Variants in GPC3 observed in about 807,000 individuals in gnomAD.
The protein encoded by GPC3 is glypican-3.
In GPC3, 3 loss-of-function variants were observed where a neutral mutation model predicts 34.4. The observed-to-expected ratio is 0.09, with a 90% CI of 0.04 to 0.23. GPC3 has a LOEUF of 0.23. Ranked by LOEUF, GPC3 falls within the 10% of genes least tolerant of loss-of-function variation. The pLI, the probability that GPC3 is intolerant of heterozygous loss-of-function variation, is 1.00. For synonymous variants in GPC3, 177 were observed against 174.0 expected (o/e 1.02, Z -0.13); for missense variants, 351 against 445.6 (o/e 0.79, Z 1.91).
intron 1 of GPC3, among the ~76,000 whole-genome samples, chrX:133,976,794 T>G (rs2076517597): frequency 9.1e-6 from 1 of 109,919 alleles, no homozygotes; most frequent in Admixed American, 9.8e-5. Context: ...GGTGGGCACC[T>G]GTAATCCCAG....
At chrX:133,789,508 T>C (rs772579053) in intron 2 of GPC3, among the ~76,000 whole-genome samples, 3 of 111,865 alleles carry the variant, frequency 2.7e-5, no homozygotes, top group Non-Finnish European at 3.8e-5. Context: ...CGTTGATCTA[T>C]TGCTTCTTGC....
Position 133,948,937 on chromosome X carries a change from G to C in GPC3, c.337+4113C>G, listed in dbSNP as rs1208086776. ...TTTATTTGGCACCACCTGGGGTAAAGTGGTCCACATAAATGAGCTGTCTAG... is the reference window on the plus strand; with the variant it reads ...TTTATTTGGCACCACCTGGGGTAAACTGGTCCACATAAATGAGCTGTCTAG... On this transcript the variant is annotated intron_variant, in intron 2 of 7. Coordinates refer to ENST00000370818, the MANE Select transcript of GPC3 (RefSeq NM_004484.4). Among the ~76,000 whole-genome samples, 7 of 112,193 alleles carry C rather than the reference G, an allele frequency of 6.2e-5. 1 individual carries two copies. The highest frequency in any genetic ancestry group is 4.7e-4 in the Admixed American group (5 of 10,580).
At chrX:133,632,125 TG>T (rs1569401315) in intron 6 of GPC3, among the ~76,000 whole-genome samples, 2 of 109,504 alleles carry the variant, frequency 1.8e-5, no homozygotes, top group African/African-American at 6.9e-5. Flanking sequence ...TTTGAGACAG[TG>T]TCTCCCTCTG....
At chrX:133,814,107 T>C (rs2075677765) in intron 2 of GPC3, among the ~76,000 whole-genome samples, 1 of 111,600 alleles carries the variant, frequency 9.0e-6, no homozygotes, top group Non-Finnish European at 1.9e-5. Flanking sequence ...CAGACAGCTG[T>C]GCTTTCAGGG....
At chrX:133,622,661 A>T (rs1414021932) in intron 6 of GPC3, among the ~76,000 whole-genome samples, 1 of 111,973 alleles carries the variant, frequency 8.9e-6, no homozygotes, top group Non-Finnish European at 1.9e-5. Flanking sequence ...GAAATATGGG[A>T]CTATGTGAAA....
rs2071124339 is a variant in GPC3, at chrX:133,696,966, G to A, written c.1166+2929C>T. 4.5e-5 allele frequency among the ~76,000 whole-genome samples: 5 copies of A among 112,179 alleles called. No individual in the cohort carries two copies. The Admixed American group carries it at 4.7e-4, about 11-fold the overall frequency. ...AAGGATAGGGCCCCTTTGCACGCAT[G>A]AGCCATTTTCAAATATGGCAGCTGG... On this transcript the variant is annotated intron_variant, in intron 4 of 7. Transcript: ENST00000370818.
At chrX:133,859,198 C>G (rs1481817608) in intron 2 of GPC3, among the ~76,000 whole-genome samples, 3 of 111,287 alleles carry the variant, frequency 2.7e-5, no homozygotes, top group Non-Finnish European at 5.7e-5. Flanking sequence ...AAGGCTCTGT[C>G]TGACCCACCA....
At chrX:133,945,551 G>C (rs975090133) in intron 2 of GPC3, among the ~76,000 whole-genome samples, 1 of 110,372 alleles carries the variant, frequency 9.1e-6, no homozygotes, top group African/African-American at 3.3e-5. Context: ...TCTGGTTGGA[G>C]TTAATCTCTT....
chrX:133,804,469 C>T (rs772688081), intron 2 of GPC3, among the ~76,000 whole-genome samples: 4 of 110,583 alleles, frequency 3.6e-5, no homozygotes, highest in Non-Finnish European at 3.8e-5. Flanking sequence ...AATCTCTCCC[C>T]AGCCCTGACC....
chrX:133,717,540 C>T (rs1004128374), intron 3 of GPC3, among the ~76,000 whole-genome samples: 4 of 111,138 alleles, frequency 3.6e-5, no homozygotes. Flanking sequence ...CTGTTCCGTT[C>T]TAATTACCAG....
intron 7 of GPC3, among the ~76,000 whole-genome samples, chrX:133,540,967 G>T (rs1397114295): frequency 2.8e-5 from 3 of 107,754 alleles, no homozygotes; most frequent in Non-Finnish European, 3.8e-5. Context: ...CGCGCACTGT[G>T]GGGGAAGAGG....
intron 2 of GPC3, among the ~76,000 whole-genome samples, chrX:133,896,584 C>T (rs770791735): frequency 9.0e-6 from 1 of 111,519 alleles, no homozygotes; most frequent in South Asian, 3.8e-4. Context: ...GAATTTGGGC[C>T]TCCCTTGCCC....
At chrX:133,599,382 A>G (rs1007910293) in intron 6 of GPC3, among the ~76,000 whole-genome samples, 1 of 112,347 alleles carries the variant, frequency 8.9e-6, no homozygotes, top group Admixed American at 9.4e-5. Context: ...AATGACTACT[A>G]GTACATTTTG....
At chrX:133,616,082 A>C (rs968849577) in intron 6 of GPC3, among the ~76,000 whole-genome samples, 7 of 111,884 alleles carry the variant, frequency 6.3e-5, no homozygotes, top group Admixed American at 1.9e-4. Context: ...AAAAGTCCCC[A>C]GATTAGAAAG....
At chrX:133,586,813 T>C (rs2069792270) in intron 7 of GPC3, among the ~76,000 whole-genome samples, 1 of 111,644 alleles carries the variant, frequency 9.0e-6, no homozygotes. Flanking sequence ...TTTCAGAGAT[T>C]CCTTCTTTTT....
At chrX:133,615,199 T>C (rs1051511554) in intron 6 of GPC3, among the ~76,000 whole-genome samples, 2 of 111,542 alleles carry the variant, frequency 1.8e-5, no homozygotes, top group Non-Finnish European at 3.8e-5. Context: ...TTCTATGAAG[T>C]CAGTGCTACC....
At chrX:133,813,796 C>A (rs1207600194) in intron 2 of GPC3, among the ~76,000 whole-genome samples, 1 of 111,908 alleles carries the variant, frequency 8.9e-6, no homozygotes, top group Non-Finnish European at 1.9e-5. Context: ...CCACTCTGCT[C>A]ACTAGAATAT....
intron 7 of GPC3, among the ~76,000 whole-genome samples, chrX:133,547,249 A>G (rs1481492865): frequency 8.9e-6 from 1 of 112,031 alleles, no homozygotes; most frequent in Non-Finnish European, 1.9e-5. Flanking sequence ...TAATAAAGAT[A>G]GCAAAGTATA....
chrX:133,980,916 T>G lies in GPC3; in HGVS notation c.175+4359A>C, dbSNP rs137991640. On this transcript the variant is annotated intron_variant, in intron 1 of 7. Transcript: ENST00000370818. ...AACATTGCAACTCTAAAGATGGAAG[T>G]AGCAGAATGCTCAAAAATATTGCAT... Among the ~76,000 whole-genome samples, 13 of 112,431 alleles carry G rather than the reference T, an allele frequency of 1.2e-4. No homozygotes were observed. In the East Asian group the frequency reaches 3.6e-3, roughly 31 times the overall value.
Sources: allele counts gnomAD v4.1 joint callset (sites outside exome capture counted in the v4.1 genomes callset), GRCh38; gene constraint gnomAD v4.1.1; transcripts MANE v1.5; gene names NCBI Gene and HGNC (gene_info 2026-07-23, HGNC 2026-07-21).